PLCG2: variants seen among roughly 807,000 people sequenced by gnomAD.
PLCG2 encodes the protein 1-phosphatidylinositol 4,5-bisphosphate phosphodiesterase gamma-2.
PLCG2 carries 69 observed loss-of-function variants against 175.6 expected under a neutral mutation model. The observed-to-expected ratio is 0.39, with a 90% confidence interval of 0.32 to 0.48. The LOEUF (loss-of-function observed/expected upper bound fraction) is 0.48. Ranked by LOEUF, PLCG2 falls within the 20% of genes least tolerant of loss-of-function variation. The pLI is 0.91. For missense variants in PLCG2, 1,798 were observed against 1,650.9 expected (o/e 1.09, Z -1.54); for synonymous variants, 827 against 624.0 (o/e 1.33, Z -4.85).
chr16:81,758,449 C>T (rs1416767877), intron 2 of PLCG2, among the ~76,000 whole-genome samples: 1 of 152,156 alleles, frequency 6.6e-6, no homozygotes, highest in Admixed American at 6.5e-5. Flanking sequence ...ATAAATAATG[C>T]TGCTGTTAAC....
chr16:81,773,825 G>A (rs890055062), intron 2 of PLCG2, among the ~76,000 whole-genome samples: 9 of 152,160 alleles, frequency 5.9e-5, no homozygotes, highest in African/African-American at 2.2e-4. Flanking sequence ...GAGCTACAGA[G>A]AGTGAGCGAC....
chr16:81,874,691 C>G (rs1203287007), intron 7 of PLCG2, among the ~76,000 whole-genome samples: 1 of 152,146 alleles, frequency 6.6e-6, no homozygotes, highest in East Asian at 1.9e-4. Context: ...TGGGTTCATG[C>G]TTATCAGCAG....
intron 2 of PLCG2, among the ~76,000 whole-genome samples, chr16:81,788,200 C>G (rs73587678): frequency 6.6e-6 from 1 of 152,104 alleles, no homozygotes; most frequent in Non-Finnish European, 1.5e-5. Flanking sequence ...AAAGGGTGAT[C>G]GTTGCATTAT....
intron 7 of PLCG2, among the ~76,000 whole-genome samples, chr16:81,876,179 C>T (rs1907780074): frequency 6.6e-6 from 1 of 151,896 alleles, no homozygotes. Context: ...GCGTGTGCCA[C>T]CATGCAGGCT....
rs538829822 is a variant in PLCG2 at position 81,752,778 on chromosome 16, T to C, written c.-144-3092T>C. 4.8e-4 allele frequency among the ~76,000 whole-genome samples: 73 copies of C among 152,318 alleles called. 1 individual carries two copies. The highest frequency in any genetic ancestry group is 1.6e-3 in the African/African-American group (68 of 41,582). On this transcript the variant is annotated intron_variant, in intron 1 of 5. Coordinates refer to the PLCG2 transcript ENST00000565054. ...GGGTGCCCAGGGAAGTGAGGGCCAG[T>C]GCTGGAAGCTCCAGCCTAGCACTGG...
At chr16:81,800,807 G>A (rs915346178) in intron 2 of PLCG2, among the ~76,000 whole-genome samples, 30 of 152,222 alleles carry the variant, frequency 2.0e-4, no homozygotes, top group East Asian at 9.6e-4. Context: ...GCTCCTTGCA[G>A]ATTGAACAGA....
chr16:81,851,750 T>C (rs1014672360), intron 2 of PLCG2, among the ~76,000 whole-genome samples: 8 of 152,346 alleles, frequency 5.3e-5, no homozygotes, highest in African/African-American at 1.9e-4. Flanking sequence ...TGACCTCAAG[T>C]GATCTGCCCG....
intron 2 of PLCG2, among the ~76,000 whole-genome samples, chr16:81,823,945 TCCTTTC>T (rs549848370): frequency 1.3e-3 from 195 of 149,650 alleles, no homozygotes; most frequent in East Asian, 1.4e-3. Context: ...CCTCCCTTCC[TCCTTTC>T]CCTTTCCCTT....
chr16:81,743,776 A>G (rs969450811), intron 1 of PLCG2, among the ~76,000 whole-genome samples: 4 of 152,154 alleles, frequency 2.6e-5, no homozygotes, highest in African/African-American at 4.8e-5. Flanking sequence ...CTAAGTCCCA[A>G]TGACATTGTT....
chr16:81,762,807 C>T (rs1910068589), intron 2 of PLCG2, among the ~76,000 whole-genome samples: 1 of 152,160 alleles, frequency 6.6e-6, no homozygotes, highest in Non-Finnish European at 1.5e-5. Flanking sequence ...TTGCTAATCC[C>T]AAGGTTTTGG....
At chr16:81,761,287 C>T (rs899964050) in intron 2 of PLCG2, among the ~76,000 whole-genome samples, 6 of 152,138 alleles carry the variant, frequency 3.9e-5, no homozygotes, top group Non-Finnish European at 7.4e-5. Context: ...ATCTCTTAAA[C>T]CCAGGAGTTC....
chr16:81,750,667 T>TTTTTTTTTTTG (rs1464376002), intron 1 of PLCG2, among the ~76,000 whole-genome samples: 1 of 77,284 alleles, frequency 1.3e-5, no homozygotes, highest in African/African-American at 7.3e-5. Flanking sequence ...CTGGAGATTT[T>TTTTTTTTTTTG]TTTTTTTTTT....
At chr16:81,941,282 C>T (rs998698443) in intron 30 of PLCG2, among the ~76,000 whole-genome samples, 1 of 152,182 alleles carries the variant, frequency 6.6e-6, no homozygotes, top group African/African-American at 2.4e-5. Context: ...ATCATAATCC[C>T]AGCTACTTGG....
chr16:81,927,930 C>A (rs1910342940), intron 23 of PLCG2, among the ~76,000 whole-genome samples: 1 of 152,150 alleles, frequency 6.6e-6, no homozygotes, highest in African/African-American at 2.4e-5. Context: ...CTTGCTTCCT[C>A]TGTACTGAGT....
At chr16:81,881,999 G>A (rs747607958) in intron 8 of PLCG2, among the ~76,000 whole-genome samples, 122 of 152,152 alleles carry the variant, frequency 8.0e-4, no homozygotes, top group Non-Finnish European at 1.3e-3. Context: ...TAGACTGTGA[G>A]GCTGGTGGGG....
rs189338665 is a variant in PLCG2 at position 81,828,168 on chromosome 16, C to G, written c.194-26276C>G. On this transcript the variant is annotated intron_variant, in intron 2 of 32. Transcript: ENST00000564138. ...AATGATCTTCACCTGACAAAACACT[C>G]CTGTACCCTGATGCAGTTCCCAGGC... 1.4e-3 allele frequency among the ~76,000 whole-genome samples: 213 copies of G among 151,228 alleles called. 1 individual carries two copies. The highest frequency in any genetic ancestry group is 4.6e-3 in the African/African-American group (188 of 41,230).
intron 7 of PLCG2, among the ~76,000 whole-genome samples, chr16:81,874,025 TTGTA>T (rs941976625): frequency 7.9e-5 from 12 of 152,218 alleles, no homozygotes; most frequent in African/African-American, 2.9e-4. Context: ...GTGTGGAACT[TTGTA>T]TGGCAAAGAT....
rs113937963 is a variant in PLCG2 at position 81,901,154 on chromosome 16, C to T, written c.1362+374C>T. 5.9e-3 allele frequency among the ~76,000 whole-genome samples: 903 copies of T among 152,318 alleles called. 9 individuals are homozygous for T. Among genetic ancestry groups the T allele is most frequent in the African/African-American group, 0.021 (862 of 41,570 alleles). On this transcript the variant is annotated intron_variant, in intron 14 of 32. Coordinates refer to ENST00000564138, the MANE Select transcript of PLCG2 (RefSeq NM_002661.5). ...AACCTTCCCCATCCTCTCTCGGAGA[C>T]AGCCCCATGCGAGGTGCTGGAGGTG...
Position 81,910,570 on chromosome 16 carries a change from G to A in PLCG2, c.1784G>A (p.Gly595Glu), listed in dbSNP as rs763889187. 1 of 1,614,158 alleles carries A rather than the reference G, an allele frequency of 6.2e-7. No individual in the cohort carries two copies. The highest frequency in any genetic ancestry group is 8.5e-7 in the Non-Finnish European group (1 of 1,180,016). ...HCRIRSTMEG[G>E]TLKYYLTDNL... ...CGGATCCGCTCCACCATGGAGGGCGGGACCCTGAAATACTACTTGACTGAC... is the reference window on the plus strand; with the variant it reads ...CGGATCCGCTCCACCATGGAGGGCGAGACCCTGAAATACTACTTGACTGAC... The change falls in exon 18 of 33, where the codon GGG becomes GAG. Residue 595 changes from glycine to glutamate, a missense_variant. Gly to Glu is a moderately conservative substitution (Grantham distance 98). Coordinates refer to ENST00000564138, the MANE Select transcript of PLCG2 (RefSeq NM_002661.5).
Sources: gnomAD v4.1 joint callset for allele counts (sites outside exome capture counted in the v4.1 genomes callset) on GRCh38, gnomAD v4.1.1 for gene constraint, MANE v1.5 for transcripts, NCBI Gene and HGNC (gene_info 2026-07-23, HGNC 2026-07-21) for gene names.